The following GPC6 variants were observed in gnomAD, a reference collection of about 807,000 sequenced individuals.
GPC6 encodes the protein glypican-6.
A neutral mutation model predicts 55.2 loss-of-function variants in GPC6; 14 were observed. The observed-to-expected ratio is 0.25, with a 90% CI of 0.17 to 0.40. The LOEUF is 0.40. Ranked by LOEUF, GPC6 falls within the 10% of genes least tolerant of loss-of-function variation. The probability of loss-of-function intolerance (pLI) is 1.00; values close to 1 mark genes in which losing one functional copy is unlikely to be tolerated. For synonymous variants in GPC6, 278 were observed against 259.6 expected, an observed-to-expected ratio of 1.07 and a Z score of -0.68; for missense variants, 641 against 708.5, an observed-to-expected ratio of 0.90 and a Z score of 1.08.
chr13:93,429,558 T>TA (rs1190569643), intron 1 of GPC6, among the ~76,000 whole-genome samples: 1 of 152,152 alleles, frequency 6.6e-6, no homozygotes, highest in East Asian at 1.9e-4. Context: ...ATTCATGACC[T>TA]GTTAAGTAAA....
At chr13:94,063,928 C>A (rs990187595) in intron 4 of GPC6, among the ~76,000 whole-genome samples, 4 of 152,160 alleles carry the variant, frequency 2.6e-5, no homozygotes, top group African/African-American at 9.7e-5. Context: ...GAAGCATTTT[C>A]TTAAGGGTTA....
intron 1 of GPC6, among the ~76,000 whole-genome samples, chr13:93,364,700 CACACACATATATAT>C (rs1274344484): frequency 1.4e-5 from 2 of 144,462 alleles, no homozygotes; most frequent in Admixed American, 1.4e-4. Flanking sequence ...TATATATACA[CACACACATATATAT>C]ACACACACAT....
chr13:93,988,394 C>A (rs1167634045), intron 3 of GPC6, among the ~76,000 whole-genome samples: 1 of 152,058 alleles, frequency 6.6e-6, no homozygotes, highest in Non-Finnish European at 1.5e-5. Flanking sequence ...CTGCAGTGTA[C>A]CTTTCGGATA....
chr13:93,670,094 A>G (rs1161917485), intron 2 of GPC6, among the ~76,000 whole-genome samples: 1 of 152,180 alleles, frequency 6.6e-6, no homozygotes. Context: ...ACTTGAGAGC[A>G]GTTAAGTCTT....
At chr13:93,467,967 T>G (rs1361147912) in intron 1 of GPC6, among the ~76,000 whole-genome samples, 1 of 152,108 alleles carries the variant, frequency 6.6e-6, no homozygotes, top group African/African-American at 2.4e-5. Flanking sequence ...TGAGCTTGAA[T>G]GTTTAGCTGA....
intron 4 of GPC6, among the ~76,000 whole-genome samples, chr13:94,084,045 T>C (rs1474085693): frequency 1.3e-5 from 2 of 152,266 alleles, no homozygotes; most frequent in Non-Finnish European, 2.9e-5. Flanking sequence ...CTCATATTAC[T>C]ATGTACTGGC....
chr13:94,403,496 A>C lies in GPC6; in HGVS notation c.*279A>C. 1 of 446,946 alleles carries C rather than the reference A, an allele frequency of 2.2e-6. No individual in the cohort carries two copies. The allele number at this position is 446,946 out of a possible 1,614,324, so 27.7% of individuals were successfully genotyped here. On this transcript the variant is annotated 3_prime_UTR_variant, in exon 9 of 9. Transcript: ENST00000377047. ...CGTACCAGGAGATTTTCTTACCTTC[A>C]TTTGCTTTTATGCTGCAGAAGTAAA...
intron 4 of GPC6, among the ~76,000 whole-genome samples, chr13:94,269,560 G>A (rs1474505238): frequency 8.5e-5 from 13 of 152,082 alleles, no homozygotes; most frequent in African/African-American, 1.2e-4. Flanking sequence ...CAGCTACCCC[G>A]GTGCACATTG....
chr13:93,262,645 T>C lies in GPC6; in HGVS notation c.160+35029T>C, dbSNP rs147675457. 5.8e-4 allele frequency among the ~76,000 whole-genome samples: 89 copies of C among 152,344 alleles called. No individual in the cohort carries two copies. In the East Asian group the frequency reaches 0.016, roughly 28 times the overall value. On this transcript the variant is annotated intron_variant, in intron 1 of 8. Transcript: ENST00000377047. ...CATACCCTACACATTGTAAAGCAGATGTTTTTCTACTTAATTTATCTGGAA... is the reference window on the plus strand; with the variant it reads ...CATACCCTACACATTGTAAAGCAGACGTTTTTCTACTTAATTTATCTGGAA...
In GPC6 at chr13:94,160,750, G is replaced by A. The variant is rs144461186; in HGVS notation, c.878-125599G>A. On this transcript the variant is annotated intron_variant, in intron 4 of 8. Coordinates refer to ENST00000377047, the MANE Select transcript of GPC6 (RefSeq NM_005708.5). ...TACTAAACATAGCCCTTTTTTCTTC[G>A]TTTCGTTCATGTATATATGGGACTC... 5.8e-3 allele frequency among the ~76,000 whole-genome samples: 887 copies of A among 152,066 alleles called. 5 individuals are homozygous for A. Among genetic ancestry groups the A allele is most frequent in the Non-Finnish European group, 9.8e-3 (667 of 67,984 alleles).
At chr13:93,239,039 C>T (rs900927405) in intron 1 of GPC6, among the ~76,000 whole-genome samples, 3 of 151,960 alleles carry the variant, frequency 2.0e-5, no homozygotes, top group Admixed American at 6.6e-5. Context: ...GAGATCTCAG[C>T]CCACAGTTTT....
At chr13:93,879,093 A>G (rs1482568486) in intron 3 of GPC6, among the ~76,000 whole-genome samples, 2 of 152,076 alleles carry the variant, frequency 1.3e-5, no homozygotes, top group Non-Finnish European at 2.9e-5. Flanking sequence ...TTCATCTTCC[A>G]TTGCTGATAC....
At chr13:94,015,703 A>AT (rs1290513485) in intron 3 of GPC6, among the ~76,000 whole-genome samples, 1 of 152,000 alleles carries the variant, frequency 6.6e-6, no homozygotes, top group Non-Finnish European at 1.5e-5. Flanking sequence ...TTCCAGCTGC[A>AT]TTTTTTTGCA....
chr13:93,553,268 A>T (rs1344741388), intron 2 of GPC6, among the ~76,000 whole-genome samples: 1 of 152,166 alleles, frequency 6.6e-6, no homozygotes, highest in Admixed American at 6.5e-5. Context: ...AACAAATAAG[A>T]TAGTAAAGCC....
At chr13:93,243,358 G>T (rs1048189232) in intron 1 of GPC6, among the ~76,000 whole-genome samples, 3 of 151,844 alleles carry the variant, frequency 2.0e-5, no homozygotes, top group Non-Finnish European at 2.9e-5. Flanking sequence ...CCTGTAATTC[G>T]TTTTTTTTGT....
At chr13:93,565,127 C>G (rs1399546336) in intron 2 of GPC6, among the ~76,000 whole-genome samples, 2 of 152,098 alleles carry the variant, frequency 1.3e-5, no homozygotes, top group Non-Finnish European at 2.9e-5. Context: ...CCACTTGCCC[C>G]CAACTTCACA....
At chr13:94,371,990 T>C (rs1566729778) in intron 6 of GPC6, among the ~76,000 whole-genome samples, 1 of 152,190 alleles carries the variant, frequency 6.6e-6, no homozygotes, top group Non-Finnish European at 1.5e-5. Context: ...AGTTCTTACT[T>C]ACAGCTGGGT....
At chr13:93,688,407 AG>A (rs773071631) in intron 2 of GPC6, among the ~76,000 whole-genome samples, 11 of 152,262 alleles carry the variant, frequency 7.2e-5, no homozygotes, top group Non-Finnish European at 1.2e-4. Context: ...CATGTGATCC[AG>A]CAATTTTACT....
At chr13:93,563,976 C>T (rs1875959399) in intron 2 of GPC6, among the ~76,000 whole-genome samples, 1 of 152,008 alleles carries the variant, frequency 6.6e-6, no homozygotes, top group Admixed American at 6.6e-5. Context: ...TTCGTGCACC[C>T]TTCACCGAAG....
Sources: allele counts gnomAD v4.1 joint callset (sites outside exome capture counted in the v4.1 genomes callset), GRCh38; gene constraint gnomAD v4.1.1; transcripts MANE v1.5; gene names NCBI Gene and HGNC (gene_info 2026-07-23, HGNC 2026-07-21).